The following RALGPS1 variants were observed in gnomAD, a reference collection of about 807,000 sequenced individuals.
RALGPS1 encodes the protein Ral GEF with PH domain and SH3 binding motif 1, also known as ras-specific guanine nucleotide-releasing factor RalGPS1.
RALGPS1 carries 19 observed loss-of-function variants against 78.8 expected under a neutral mutation model. The observed-to-expected ratio is 0.24, with a 90% CI of 0.17 to 0.35. The LOEUF (loss-of-function observed/expected upper bound fraction) is 0.35. RALGPS1 is among the 10% of genes least tolerant of loss of function. The pLI is 1.00. For missense variants in RALGPS1, 454 were observed against 688.3 expected (o/e 0.66, Z 3.81); for synonymous variants, 228 against 256.3 (o/e 0.89, Z 1.06).
chr9:126,945,210 T>A (rs1396841647), intron 1 of RALGPS1, among the ~76,000 whole-genome samples: 1 of 152,150 alleles, frequency 6.6e-6, no homozygotes, highest in Non-Finnish European at 1.5e-5. Context: ...TCTCTTGCTT[T>A]TTTTTTGAGA....
intron 8 of RALGPS1, among the ~76,000 whole-genome samples, chr9:127,116,821 C>A (rs943856797): frequency 6.6e-6 from 1 of 152,232 alleles, no homozygotes; most frequent in Admixed American, 6.5e-5. Flanking sequence ...TGACTATCCT[C>A]ATTTCACAGA....
At chr9:127,068,810 T>G (rs2135832114) in intron 7 of RALGPS1, among the ~76,000 whole-genome samples, 1 of 152,264 alleles carries the variant, frequency 6.6e-6, no homozygotes, top group Non-Finnish European at 1.5e-5. Flanking sequence ...CAGGTCATAT[T>G]TATATATGTT....
chr9:127,067,509 G>C (rs2049822309), intron 7 of RALGPS1, among the ~76,000 whole-genome samples: 1 of 152,222 alleles, frequency 6.6e-6, no homozygotes, highest in Admixed American at 6.5e-5. Context: ...ACCAGACATG[G>C]CCTGAGTTTG....
At chr9:126,949,484 G>A (rs2037603939) in intron 1 of RALGPS1, among the ~76,000 whole-genome samples, 1 of 152,116 alleles carries the variant, frequency 6.6e-6, no homozygotes, top group Non-Finnish European at 1.5e-5. Context: ...GTTGTTTCCT[G>A]ACTTTTTAAT....
chr9:127,085,394 G>GC, intron 8 of RALGPS1, among the ~76,000 whole-genome samples: 1 of 152,164 alleles, frequency 6.6e-6, no homozygotes, highest in Admixed American at 6.5e-5. Context: ...GGTCTGGTTG[G>GC]CAAGACCCCA....
intron 8 of RALGPS1, among the ~76,000 whole-genome samples, chr9:127,076,942 C>T (rs960052803): frequency 2.6e-5 from 4 of 152,156 alleles, no homozygotes; most frequent in Non-Finnish European, 4.4e-5. Flanking sequence ...TGTGCAAGAA[C>T]CCTAAAGTGA....
At chr9:127,096,712 C>T (rs1329729849) in intron 8 of RALGPS1, among the ~76,000 whole-genome samples, 2 of 152,272 alleles carry the variant, frequency 1.3e-5, no homozygotes, top group African/African-American at 4.8e-5. Flanking sequence ...ATCCTTTATT[C>T]AGAAAAATGC....
chr9:126,988,600 G>A (rs1228726262), intron 4 of RALGPS1, among the ~76,000 whole-genome samples: 2 of 152,146 alleles, frequency 1.3e-5, no homozygotes, highest in Non-Finnish European at 1.5e-5. Flanking sequence ...GGGGAGCACC[G>A]TGGACAGATT....
chr9:127,045,633 G>A (rs1010874140), intron 5 of RALGPS1, among the ~76,000 whole-genome samples: 8 of 151,986 alleles, frequency 5.3e-5, no homozygotes, highest in African/African-American at 9.7e-5. Flanking sequence ...AATGGATTAC[G>A]GTTGGAGACA....
rs1210285330 is a variant in RALGPS1 at position 127,211,717 on chromosome 9, C to T, written c.1248-414C>T. On this transcript the variant is annotated intron_variant, in intron 14 of 18. Transcript: ENST00000259351. This position sits in a 1 kb window ranked among gnomAD's most constrained non-coding sequence, Gnocchi z 5.0. Reference sequence around the variant, plus strand: ...ACACCACCTCTTCCCTTCCTCGCTGCTCTCTGAGGCTCCTGCCAACACCAG... The same window carrying T: ...ACACCACCTCTTCCCTTCCTCGCTGTTCTCTGAGGCTCCTGCCAACACCAG... Among the ~76,000 whole-genome samples the T allele has an allele frequency of 6.6e-6, 1 of 152,182 alleles. No individual in the cohort carries two copies. Among genetic ancestry groups the T allele is most frequent in the Non-Finnish European group, 1.5e-5 (1 of 68,014 alleles).
At chr9:127,204,826 G>A (rs930420944) in intron 14 of RALGPS1, among the ~76,000 whole-genome samples, 4 of 152,216 alleles carry the variant, frequency 2.6e-5, no homozygotes, top group Admixed American at 1.3e-4. Context: ...CCCAAAAACT[G>A]AGTTTTAAAA....
At chr9:127,158,344 T>C (rs1162960543) in intron 8 of RALGPS1, among the ~76,000 whole-genome samples, 1 of 152,136 alleles carries the variant, frequency 6.6e-6, no homozygotes, top group Non-Finnish European at 1.5e-5. Flanking sequence ...TTTCTCTTTA[T>C]TAGTAAAGTT....
chr9:127,176,207 C>T (rs2059864115), intron 11 of RALGPS1, among the ~76,000 whole-genome samples: 1 of 152,158 alleles, frequency 6.6e-6, no homozygotes, highest in Non-Finnish European at 1.5e-5. Context: ...TTTCCATAAG[C>T]CCAGTATTAA....
Position 126,986,385 on chromosome 9 carries a change from T to C in RALGPS1, c.216+8640T>C, listed in dbSNP as rs1318401472. On this transcript the variant is annotated intron_variant, in intron 4 of 18. Transcript: ENST00000259351. ...TTGTGGCCTAGAACCCCATTGCCAC[T>C]GTGGTGGATTGGGTTGCAGGGTAGA... is the stretch of plus-strand genomic sequence containing the variant. Among the ~76,000 whole-genome samples the C allele has an allele frequency of 2.0e-5, 3 of 152,304 alleles. No individual in the cohort carries two copies. In the East Asian group the frequency reaches 5.8e-4, roughly 29 times the overall value.
chr9:126,989,983 C>A, intron 4 of RALGPS1: 1 of 1,550,464 alleles, frequency 6.4e-7, no homozygotes, highest in South Asian at 1.2e-5. Flanking sequence ...GAAAACACTG[C>A]CTGTGGGTCC....
chr9:126,953,514 T>C (rs1042382273), intron 1 of RALGPS1, among the ~76,000 whole-genome samples: 1 of 152,218 alleles, frequency 6.6e-6, no homozygotes, highest in African/African-American at 2.4e-5. Context: ...TATGCCAGGC[T>C]ACCTCCCTGT....
At chr9:127,056,856 A>G (rs974435289) in intron 7 of RALGPS1, among the ~76,000 whole-genome samples, 1 of 152,152 alleles carries the variant, frequency 6.6e-6, no homozygotes, top group Non-Finnish European at 1.5e-5. Context: ...CTGGTATGAG[A>G]TGGCCATAGA....
chr9:126,944,859 C>T (rs989147227), intron 1 of RALGPS1, among the ~76,000 whole-genome samples: 1 of 152,174 alleles, frequency 6.6e-6, no homozygotes, highest in Non-Finnish European at 1.5e-5. Flanking sequence ...TCATCAGTTT[C>T]CTCTGGTCTG....
chr9:126,934,059 G>A (rs1223990800), intron 1 of RALGPS1, among the ~76,000 whole-genome samples: 1 of 152,152 alleles, frequency 6.6e-6, no homozygotes, highest in Admixed American at 6.5e-5. Flanking sequence ...TGTATCCAAA[G>A]CATGATGGGA....
Sources: gnomAD v4.1 joint callset for allele counts (sites outside exome capture counted in the v4.1 genomes callset) on GRCh38, gnomAD v4.1.1 for gene constraint, Gnocchi (gnomAD v3.1) non-coding constraint, MANE v1.5 for transcripts, NCBI Gene and HGNC (gene_info 2026-07-23, HGNC 2026-07-21) for gene names.